The following ARHGEF26 variants were observed in gnomAD, a reference collection of about 807,000 sequenced individuals.
ARHGEF26 encodes Rho guanine nucleotide exchange factor 26.
Under a neutral mutation model 89.4 loss-of-function variants are expected in ARHGEF26, and 59 were observed. That is an observed-to-expected ratio of 0.66 (90% confidence interval 0.54 to 0.82). The LOEUF (loss-of-function observed/expected upper bound fraction) is 0.82. ARHGEF26 is among the 40% of genes least tolerant of loss of function. The pLI is 0.00. For synonymous variants in ARHGEF26, 500 were observed against 428.4 expected, an observed-to-expected ratio of 1.17 and a Z score of -2.06; for missense variants, 1,234 against 1,085.6, an observed-to-expected ratio of 1.14 and a Z score of -1.92.
chr3:154,255,517 T>C lies in ARHGEF26; in HGVS notation c.*44T>C. 1 of 1,590,734 alleles carries C rather than the reference T, an allele frequency of 6.3e-7. No homozygotes were observed. Among genetic ancestry groups the C allele is most frequent in the Non-Finnish European group, 8.6e-7 (1 of 1,169,588 alleles). ...GTTACTGCAAGATTTGCACGACACT[T>C]ACCGGGCTGGTTGGTTCTGGGCTAG... On this transcript the variant is annotated 3_prime_UTR_variant, in exon 15 of 15. Transcript: ENST00000465093.
chr3:154,128,363 G>C (rs1003994639), intron 3 of ARHGEF26, among the ~76,000 whole-genome samples: 3 of 151,874 alleles, frequency 2.0e-5, no homozygotes, highest in African/African-American at 7.3e-5. Flanking sequence ...TCAGCCTCCC[G>C]AGTAGCTGGG....
intron 6 of ARHGEF26, among the ~76,000 whole-genome samples, chr3:154,162,055 C>G (rs538410572): frequency 2.0e-5 from 3 of 152,278 alleles, no homozygotes; most frequent in Admixed American, 6.5e-5. Context: ...GTGTTACCTA[C>G]TTAGTCATTA....
At position 154,122,530 on chromosome 3, in the gene ARHGEF26, G is replaced by T; in HGVS notation, c.538G>T (p.Ala180Ser). Residue 180 changes from alanine to serine, a missense_variant, in exon 2 of 15, where the codon GCT (alanine) becomes TCT (serine). Coordinates refer to ENST00000465093, the MANE Select transcript of ARHGEF26 (RefSeq NM_015595.4). ...VPSPTANGLAANNDSPGSGSQ... is the reference protein window; with the variant it reads ...VPSPTANGLASNNDSPGSGSQ... ...TTCGCCCACTGCAAATGGCCTTGCCGCTAATAACGACTCTCCTGGGTCAGG... is the reference window on the plus strand; with the variant it reads ...TTCGCCCACTGCAAATGGCCTTGCCTCTAATAACGACTCTCCTGGGTCAGG... 2 of 1,613,478 alleles carry T rather than the reference G, an allele frequency of 1.2e-6. No individual in the cohort carries two copies. Among genetic ancestry groups the T allele is most frequent in the South Asian group, 1.1e-5 (1 of 91,078 alleles).
intron 9 of ARHGEF26, among the ~76,000 whole-genome samples, chr3:154,215,314 T>A (rs1715649888): frequency 6.6e-6 from 1 of 152,032 alleles, no homozygotes; most frequent in South Asian, 2.1e-4. Flanking sequence ...TTAAATGACC[T>A]CTCAGGAGAG....
chr3:154,190,687 C>T (rs903974481), intron 7 of ARHGEF26, among the ~76,000 whole-genome samples: 3 of 152,188 alleles, frequency 2.0e-5, no homozygotes, highest in African/African-American at 7.2e-5. Context: ...GTCACAGTAT[C>T]TCGCTAAGTT....
At chr3:154,166,260 C>T (rs1443452789) in intron 6 of ARHGEF26, among the ~76,000 whole-genome samples, 1 of 152,034 alleles carries the variant, frequency 6.6e-6, no homozygotes, top group Non-Finnish European at 1.5e-5. Flanking sequence ...CCATGTTAGC[C>T]AGAATGGTCT....
Position 154,135,701 on chromosome 3 carries a change from G to T in ARHGEF26, c.1269+5982G>T, listed in dbSNP as rs575716394. Reference sequence around the variant, plus strand: ...GGAAAATATTGATTGTATTAGTCAGGGATGGAACACTGTGTACTTGTTACA... The same window carrying T: ...GGAAAATATTGATTGTATTAGTCAGTGATGGAACACTGTGTACTTGTTACA... On this transcript the variant is annotated intron_variant, in intron 4 of 14. Coordinates refer to ENST00000465093, the MANE Select transcript of ARHGEF26 (RefSeq NM_015595.4). Among the ~76,000 whole-genome samples the T allele has an allele frequency of 3.9e-5, 6 of 152,250 alleles. No individual in the cohort carries two copies. The East Asian group carries it at 1.2e-3, about 29-fold the overall frequency.
intron 4 of ARHGEF26, among the ~76,000 whole-genome samples, chr3:154,132,528 A>G (rs1718742167): frequency 6.6e-6 from 1 of 152,128 alleles, no homozygotes; most frequent in South Asian, 2.1e-4. Context: ...CTCATCTGCT[A>G]CTAAATTTTC....
chr3:154,193,917 C>T (rs1216385525), intron 8 of ARHGEF26, among the ~76,000 whole-genome samples: 1 of 151,892 alleles, frequency 6.6e-6, no homozygotes, highest in African/African-American at 2.4e-5. Flanking sequence ...TCGCTGCAAC[C>T]TCCACCTCCC....
chr3:154,249,939 G>T (rs1270369020), intron 12 of ARHGEF26, among the ~76,000 whole-genome samples: 2 of 152,290 alleles, frequency 1.3e-5, no homozygotes, highest in Non-Finnish European at 1.5e-5. Context: ...CTATGCCCTG[G>T]TTTTTCCTGT....
chr3:154,122,857 C>G lies in ARHGEF26; in HGVS notation c.865C>G (p.Leu289Val), dbSNP rs774033795. ...RSMVEGLGGPLGHAGEESEVD... is the reference protein window; with the variant it reads ...RSMVEGLGGPVGHAGEESEVD... ...CATGGTGGAGGGCCTAGGAGGACCC[C>G]TGGGTCACGCAGGGGAGGAGAGTGA... is the stretch of plus-strand genomic sequence containing the variant. The change falls in exon 2 of 15, where the codon CTG becomes GTG. Residue 289 changes from leucine to valine, a missense_variant. Leu to Val is a conservative substitution (Grantham distance 32). Coordinates refer to ENST00000465093, the MANE Select transcript of ARHGEF26 (RefSeq NM_015595.4). The G allele has an allele frequency of 3.1e-6, 5 of 1,612,746 alleles. No individual in the cohort carries two copies. Among genetic ancestry groups the G allele is most frequent in the Non-Finnish European group, 3.4e-6 (4 of 1,179,426 alleles).
intron 3 of ARHGEF26, among the ~76,000 whole-genome samples, chr3:154,126,519 A>G (rs1280543573): frequency 1.3e-5 from 2 of 152,194 alleles, no homozygotes; most frequent in African/African-American, 4.8e-5. Context: ...TTAGTCTCCT[A>G]GGTAGTCAAT....
At chr3:154,149,162 A>T (rs753876734) in intron 4 of ARHGEF26, among the ~76,000 whole-genome samples, 12 of 152,174 alleles carry the variant, frequency 7.9e-5, no homozygotes, top group Non-Finnish European at 1.8e-4. Flanking sequence ...TTGTATGAGG[A>T]TTCAATGGGA....
At chr3:154,232,759 A>T (rs1366398164) in intron 11 of ARHGEF26, among the ~76,000 whole-genome samples, 5 of 152,178 alleles carry the variant, frequency 3.3e-5, no homozygotes, top group Admixed American at 3.3e-4. Flanking sequence ...TTCCCACTTT[A>T]CAGATGAGAA....
intron 8 of ARHGEF26, among the ~76,000 whole-genome samples, chr3:154,193,903 C>A (rs1464527452): frequency 6.6e-6 from 1 of 151,280 alleles, no homozygotes; most frequent in African/African-American, 2.4e-5. Context: ...GGTGCGATCT[C>A]GGCTCGCTGC....
chr3:154,139,830 T>G (rs757235616), intron 4 of ARHGEF26, among the ~76,000 whole-genome samples: 16 of 152,356 alleles, frequency 1.1e-4, no homozygotes, highest in South Asian at 6.2e-4. Context: ...ATCTTAATAT[T>G]AGGATGTTTA....
At chr3:154,219,674 C>A (rs1185544568) in intron 10 of ARHGEF26, among the ~76,000 whole-genome samples, 2 of 151,674 alleles carry the variant, frequency 1.3e-5, no homozygotes, top group African/African-American at 4.8e-5. Flanking sequence ...CCCCAAGGAT[C>A]ATTAAAAGTA....
At chr3:154,206,287 T>G (rs1011563280) in intron 9 of ARHGEF26, among the ~76,000 whole-genome samples, 1 of 152,230 alleles carries the variant, frequency 6.6e-6, no homozygotes, top group Non-Finnish European at 1.5e-5. Flanking sequence ...ATGTTATTTG[T>G]CTCTTTTCTC....
Position 154,255,479 on chromosome 3 carries a change from C to T in ARHGEF26, c.*6C>T. The T allele has an allele frequency of 9.9e-6, 16 of 1,610,154 alleles. No homozygotes were observed. Among genetic ancestry groups the T allele is most frequent in the Non-Finnish European group, 1.4e-5 (16 of 1,178,192 alleles). On this transcript the variant is annotated 3_prime_UTR_variant, in exon 15 of 15. Transcript: ENST00000465093. ...GACTGGAGACCAACGTGTAGTCTCT[C>T]AGATGGTCTTTTGTTACTGCAAGAT...
Sources: gnomAD v4.1 joint callset for allele counts (sites outside exome capture counted in the v4.1 genomes callset) on GRCh38, gnomAD v4.1.1 for gene constraint, MANE v1.5 for transcripts, NCBI Gene and HGNC (gene_info 2026-07-23, HGNC 2026-07-21) for gene names.